The following PRSS23 variants were observed in gnomAD, a reference collection of about 807,000 sequenced individuals.
PRSS23 encodes the protein protease, serine 23.
In PRSS23, 25 loss-of-function variants were observed where a neutral mutation model predicts 34.7. The observed-to-expected ratio is 0.72, with a 90% confidence interval of 0.53 to 1.01. The LOEUF (loss-of-function observed/expected upper bound fraction) is 1.01. PRSS23 is among the 50% of genes least tolerant of loss of function. The pLI is 0.00. For missense variants in PRSS23, 445 were observed against 475.6 expected, an observed-to-expected ratio of 0.94 and a Z score of 0.60; for synonymous variants, 176 against 186.6, an observed-to-expected ratio of 0.94 and a Z score of 0.46.
At chr11:86,829,945 G>C (rs1948337700) in intron 2 of PRSS23, among the ~76,000 whole-genome samples, 1 of 152,208 alleles carries the variant, frequency 6.6e-6, no homozygotes, top group Non-Finnish European at 1.5e-5. Flanking sequence ...AGGGGTCAGG[G>C]ACCCACTTGA....
At chr11:86,902,682 T>TA (rs1948919507) in intron 2 of PRSS23, among the ~76,000 whole-genome samples, 1 of 152,146 alleles carries the variant, frequency 6.6e-6, no homozygotes. Flanking sequence ...AAAGACAGTT[T>TA]AAAAAAATCC....
chr11:86,840,764 C>G (rs1233814831), intron 2 of PRSS23, among the ~76,000 whole-genome samples: 1 of 152,210 alleles, frequency 6.6e-6, no homozygotes, highest in East Asian at 1.9e-4. Flanking sequence ...AATTATCTGT[C>G]AGACCACAGT....
chr11:86,808,446 C>T lies in PRSS23; in HGVS notation c.803C>T (p.Pro268Leu). 1 of 1,614,228 alleles carries T rather than the reference C, an allele frequency of 6.2e-7. No homozygotes were observed. The highest frequency in any genetic ancestry group is 1.1e-5 in the South Asian group (1 of 91,086). ...TTTATGAAGATTGGGGTGAGCCCTC[C>T]TGCTAAGCAGCTGCCAGGGGGCAGA... ...RKFMKIGVSP[P>L]AKQLPGGRIH... The change falls in exon 2 of 2, where the codon CCT (proline) becomes CTT (leucine). Residue 268 changes from proline (P) to leucine (L), a missense_variant. By Grantham distance (98) the Pro-to-Leu change is moderately conservative. Transcript: ENST00000280258.
At chr11:86,873,235 T>C (rs11234846) in intron 2 of PRSS23, among the ~76,000 whole-genome samples, 88 of 135,456 alleles carry the variant, frequency 6.5e-4, no homozygotes, top group East Asian at 4.7e-3. Flanking sequence ...TATATATATA[T>C]ACACACACAC....
At chr11:86,862,278 T>C (rs1465759259) in intron 2 of PRSS23, among the ~76,000 whole-genome samples, 1 of 152,002 alleles carries the variant, frequency 6.6e-6, no homozygotes, top group Admixed American at 6.6e-5. Flanking sequence ...TGGGGTATGT[T>C]ACTCCTCATG....
intron 2 of PRSS23, among the ~76,000 whole-genome samples, chr11:86,906,381 CT>C (rs57544193): frequency 0.59 from 89,479 of 152,076 alleles, 27,072 homozygotes; most frequent in Non-Finnish European, 0.67. Flanking sequence ...CAGGATCCCC[CT>C]GAGGCTGCGC....
intron 2 of PRSS23, among the ~76,000 whole-genome samples, chr11:86,943,886 G>A (rs570903648): frequency 1.3e-5 from 2 of 151,876 alleles, no homozygotes; most frequent in East Asian, 2.0e-4. Context: ...TGGGACTACA[G>A]GCGCGTGTCA....
intron 1 of PRSS23, among the ~76,000 whole-genome samples, chr11:86,802,798 C>T (rs1948055717): frequency 6.6e-6 from 1 of 152,168 alleles, no homozygotes; most frequent in Admixed American, 6.5e-5. Context: ...GACTAAGGTG[C>T]CGTGCAGGAG....
In PRSS23 at chr11:86,808,509, A is replaced by G. The variant is rs1948135847; in HGVS notation, c.866A>G (p.Asn289Ser). 1 of 1,614,230 alleles carries G rather than the reference A, an allele frequency of 6.2e-7. No individual in the cohort carries two copies. The highest frequency in any genetic ancestry group is 1.3e-5 in the African/African-American group (1 of 75,066). The change falls in exon 2 of 2, where the codon AAT becomes AGT. Residue 289 changes from asparagine to serine, a missense_variant. Physicochemically the swap from Asn to Ser is conservative, Grantham distance 46. Transcript: ENST00000280258. The part of the protein sequence containing the change: ...FSGYDNDRPG[N>S]LVYRFCDVKD... The stretch of plus-strand genomic sequence containing the variant: ...GGTTATGACAATGACCGACCAGGCA[A>G]TTTGGTGTATCGCTTCTGTGACGTC...
At chr11:86,851,686 G>C (rs1948530960) in intron 2 of PRSS23, among the ~76,000 whole-genome samples, 1 of 152,196 alleles carries the variant, frequency 6.6e-6, no homozygotes, top group African/African-American at 2.4e-5. Flanking sequence ...TAATAACTGG[G>C]AGAAGACTAC....
chr11:86,808,431 T>C lies in PRSS23; in HGVS notation c.788T>C (p.Ile263Thr), dbSNP rs1245886498. ...CCCCACAAGAGAAAATTTATGAAGA[T>C]TGGGGTGAGCCCTCCTGCTAAGCAG... ...KKPHKRKFMK[I>T]GVSPPAKQLP... The change falls in exon 2 of 2, where the codon ATT (isoleucine) becomes ACT (threonine). Residue 263 changes from isoleucine (I) to threonine (T), a missense_variant. By Grantham distance (89) the Ile-to-Thr change is moderately conservative. Coordinates refer to ENST00000280258, the MANE Select transcript of PRSS23 (RefSeq NM_007173.6). 2 of 1,614,222 alleles carry C rather than the reference T, an allele frequency of 1.2e-6. No homozygotes were observed. Among genetic ancestry groups the C allele is most frequent in the East Asian group, 2.2e-5 (1 of 44,880 alleles).
chr11:86,859,258 T>A (rs1343003834), intron 2 of PRSS23, among the ~76,000 whole-genome samples: 1 of 122,156 alleles, frequency 8.2e-6, no homozygotes, highest in East Asian at 2.6e-4. Context: ...TGTGATTTAG[T>A]TCAGGTGATA....
At chr11:86,873,254 A>ATGTG (rs1405840552) in intron 2 of PRSS23, among the ~76,000 whole-genome samples, 3 of 104,758 alleles carry the variant, frequency 2.9e-5, no homozygotes, top group African/African-American at 4.6e-5. Context: ...ACACATATAT[A>ATGTG]TGTATATATA....
intron 2 of PRSS23, among the ~76,000 whole-genome samples, chr11:86,841,028 C>A (rs1282123883): frequency 2.0e-5 from 3 of 152,098 alleles, no homozygotes; most frequent in Non-Finnish European, 4.4e-5. Context: ...AAAATTGACA[C>A]CCTGACATCA....
chr11:86,877,255 C>G (rs1209409680), intron 2 of PRSS23, among the ~76,000 whole-genome samples: 1 of 152,210 alleles, frequency 6.6e-6, no homozygotes, highest in Non-Finnish European at 1.5e-5. Context: ...TGTAATCTCT[C>G]AACTCTCAGC....
chr11:86,822,298 T>C (rs1346284806), intron 1 of PRSS23, among the ~76,000 whole-genome samples: 1 of 152,084 alleles, frequency 6.6e-6, no homozygotes, highest in African/African-American at 2.4e-5. Flanking sequence ...ATTTAGGAGA[T>C]GAAATGTTAT....
At chr11:86,827,053 G>C (rs1245696874) in intron 2 of PRSS23, among the ~76,000 whole-genome samples, 1 of 152,130 alleles carries the variant, frequency 6.6e-6, no homozygotes, top group Non-Finnish European at 1.5e-5. Context: ...GATTGGAATA[G>C]TTTCAGAAGG....
chr11:86,824,747 G>C (rs897442003), intron 2 of PRSS23, among the ~76,000 whole-genome samples: 9 of 150,244 alleles, frequency 6.0e-5, no homozygotes, highest in African/African-American at 2.2e-4. Context: ...TTTTGTTCTT[G>C]GGATAGTTTA....
intron 2 of PRSS23, chr11:86,910,481 A>G (rs1022835441): frequency 4.3e-4 from 66 of 152,356 alleles, no homozygotes; most frequent in African/African-American, 1.6e-3. Context: ...GCACGTAGGT[A>G]GAATATGTTT....
Sources: allele counts gnomAD v4.1 joint callset (sites outside exome capture counted in the v4.1 genomes callset), GRCh38; gene constraint gnomAD v4.1.1; transcripts MANE v1.5; gene names NCBI Gene and HGNC (gene_info 2026-07-23, HGNC 2026-07-21).